The following SLC12A7 variants were observed in gnomAD, a reference collection of about 807,000 sequenced individuals.
SLC12A7 encodes K-Cl cotransporter 4.
Under a neutral mutation model 120.6 loss-of-function variants are expected in SLC12A7, and 100 were observed. The ratio of observed to expected loss-of-function variants is 0.83; its 90% CI spans 0.71 to 0.98. The LOEUF (loss-of-function observed/expected upper bound fraction) is 0.98. SLC12A7 is among the 50% of genes least tolerant of loss of function. SLC12A7 has a pLI of 0.00. For synonymous variants in SLC12A7, 760 were observed against 678.0 expected (o/e 1.12, Z -1.88); for missense variants, 1,373 against 1,548.1 (o/e 0.89, Z 1.90).
At chr5:1,120,620 CAA>C in the SLC12A7 span, among the ~76,000 whole-genome samples, 1 of 152,186 alleles carries the variant, frequency 6.6e-6, no homozygotes, top group African/African-American at 2.4e-5. Flanking sequence ...AGACACTAAG[CAA>C]AAGACACACA....
At chr5:1,108,777 G>A (rs1237624129) in intron 1 of SLC12A7, among the ~76,000 whole-genome samples, 5 of 152,170 alleles carry the variant, frequency 3.3e-5, no homozygotes, top group African/African-American at 4.8e-5. Context: ...AGGACAAAGC[G>A]GCAGCTCTAG....
chr5:1,087,922 T>C (rs906428555), intron 5 of SLC12A7, among the ~76,000 whole-genome samples: 1 of 152,236 alleles, frequency 6.6e-6, no homozygotes, highest in Non-Finnish European at 1.5e-5. Context: ...AACTTATTAC[T>C]AATTAACAAG....
Position 1,059,828 on chromosome 5 carries a change from C to G in SLC12A7, c.2847+516G>C, listed in dbSNP as rs570793717. 7.3e-5 allele frequency among the ~76,000 whole-genome samples: 8 copies of G among 109,978 alleles called. No individual in the cohort carries two copies. The East Asian group carries it at 2.4e-3, about 33-fold the overall frequency. 72.1% of individuals were successfully genotyped at this position (109,978 alleles called of 152,430 possible). The stretch of plus-strand genomic sequence containing the variant: ...TTCCCTCCCTCCCTGCACACTCACT[C>G]TCCCCTCCCACTTGGTCTTAGGACA... On this transcript the variant is annotated intron_variant, in intron 21 of 23. Coordinates refer to ENST00000264930, the MANE Select transcript of SLC12A7 (RefSeq NM_006598.3).
the SLC12A7 span, among the ~76,000 whole-genome samples, chr5:1,152,405 T>G: frequency 1.3e-5 from 2 of 152,184 alleles, no homozygotes; most frequent in Admixed American, 1.3e-4. Context: ...TGCAAAAACA[T>G]AGCCGGAAAG....
chr5:1,064,313 CG>C (rs1736683152), intron 18 of SLC12A7, 61 bp from the exon 19 acceptor site: 6 of 1,546,748 alleles, frequency 3.9e-6, no homozygotes, highest in Admixed American at 1.9e-5. Context: ...GGGGCCTCCC[CG>C]GGGACTCACA....
chr5:1,133,600 C>T, the SLC12A7 span, among the ~76,000 whole-genome samples: 1 of 152,212 alleles, frequency 6.6e-6, no homozygotes, highest in Admixed American at 6.5e-5. Context: ...GCCGCTGTGG[C>T]TGCTGCTGAC....
At chr5:1,094,965 T>G (rs1740945805) in intron 1 of SLC12A7, among the ~76,000 whole-genome samples, 1 of 136,262 alleles carries the variant, frequency 7.3e-6, no homozygotes, top group Non-Finnish European at 1.6e-5. Flanking sequence ...CCTGGCAGGT[T>G]GAGGCCCGAT....
rs76309564 is a variant in SLC12A7 at position 1,080,870 on chromosome 5, C to T, written c.1297+707G>A. Among the ~76,000 whole-genome samples, 157 of 152,356 alleles carry T rather than the reference C, an allele frequency of 1.0e-3. 1 individual carries two copies. The highest frequency in any genetic ancestry group is 3.6e-3 in the African/African-American group (150 of 41,588). The stretch of plus-strand genomic sequence containing the variant: ...ACAGCTTCTCCTGACACAGGGCTGC[C>T]TGGGAGAGCAGCAGACAGGCTTCTC... On this transcript the variant is annotated intron_variant, in intron 9 of 23. Transcript: ENST00000264930.
rs1159348073 is a variant in SLC12A7, at chr5:1,087,051, G to A, written c.545-18C>T. The A allele has an allele frequency of 1.2e-6, 2 of 1,605,912 alleles. No homozygotes were observed. The highest frequency in any genetic ancestry group is 1.7e-6 in the Non-Finnish European group (2 of 1,176,060). On this transcript the variant is annotated intron_variant, in intron 5 of 23. Coordinates refer to ENST00000264930, the MANE Select transcript of SLC12A7 (RefSeq NM_006598.3). ...CCCGCCAGCTGCGGAGACAAAGGCG[G>A]CAGCCGCGGGTCAGGGGCGCACTTG...
chr5:1,108,540 T>C (rs551738268), intron 1 of SLC12A7, among the ~76,000 whole-genome samples: 14 of 152,132 alleles, frequency 9.2e-5, no homozygotes, highest in Non-Finnish European at 1.3e-4. Context: ...CATGTCCGTG[T>C]CGGGAACGCC....
chr5:1,084,423 C>T (rs1348602942), intron 7 of SLC12A7, among the ~76,000 whole-genome samples: 1 of 152,242 alleles, frequency 6.6e-6, no homozygotes, highest in Non-Finnish European at 1.5e-5. Flanking sequence ...GCGTCCTGGC[C>T]GGGTCAGCTG....
At chr5:1,155,399 T>C in the SLC12A7 span, among the ~76,000 whole-genome samples, 1 of 150,634 alleles carries the variant, frequency 6.6e-6, no homozygotes, top group Non-Finnish European at 1.5e-5. Flanking sequence ...AACAGCGAGG[T>C]CAGAGGGCGC....
rs1579355567 is a variant in SLC12A7, at chr5:1,073,663, G to T, written c.2211C>A (p.Asp737Glu). The change falls in exon 17 of 24, where the codon GAC becomes GAA. Residue 737 changes from aspartate (D) to glutamate (E), a missense_variant. By Grantham distance (45) the Asp-to-Glu change is conservative (BLOSUM62 2). Transcript: ENST00000264930. ...CGGCCCGCTGAGCCTCCATGTGCTT[G>T]TCCAGGTACGTCCCCTCCAGCACCG... is the stretch of plus-strand genomic sequence containing the variant. ...VGSVLEGTYL[D>E]KHMEAQRAEE... 1 of 1,603,682 alleles carries T rather than the reference G, an allele frequency of 6.2e-7. No homozygotes were observed. The highest frequency in any genetic ancestry group is 8.5e-7 in the Non-Finnish European group (1 of 1,175,744).
chr5:1,065,868 C>T (rs897485905), intron 17 of SLC12A7, among the ~76,000 whole-genome samples: 1 of 151,856 alleles, frequency 6.6e-6, no homozygotes, highest in Non-Finnish European at 1.5e-5. Flanking sequence ...GCCAAATTAG[C>T]AGCTCTTCAA....
Position 1,083,922 on chromosome 5 carries a change from G to A in SLC12A7, c.952C>T (p.Arg318Cys), listed in dbSNP as rs373980691. ...CLLGNRTLSR[R>C]SFDACVKAYG... is the part of the protein sequence containing the mutation. ...GCCTTGACGCAGGCATCGAAGCTGCGCCGTGACAGCGTGCGGTTCCCCAGG... is the reference window on the plus strand; with the variant it reads ...GCCTTGACGCAGGCATCGAAGCTGCACCGTGACAGCGTGCGGTTCCCCAGG... The change falls in exon 8 of 24, where the codon CGC (arginine) becomes TGC (cysteine). Residue 318 changes from arginine (R) to cysteine (C), a missense_variant. Physicochemically the swap from Arg to Cys is radical, Grantham distance 180. Coordinates refer to ENST00000264930, the MANE Select transcript of SLC12A7 (RefSeq NM_006598.3). The A allele has an allele frequency of 2.7e-5, 44 of 1,605,746 alleles. No homozygotes were observed. Among genetic ancestry groups the A allele is most frequent in the African/African-American group, 5.3e-5 (4 of 74,908 alleles).
At chr5:1,124,958 G>C in the SLC12A7 span, among the ~76,000 whole-genome samples, 22,493 of 152,142 alleles carry the variant, frequency 0.15, 1,861 homozygotes, top group Non-Finnish European at 0.19. Flanking sequence ...CCAGGGAACA[G>C]CTAGAGATTT....
the SLC12A7 span, among the ~76,000 whole-genome samples, chr5:1,136,416 G>A: frequency 2.2e-5 from 3 of 134,786 alleles, no homozygotes; most frequent in African/African-American, 3.1e-5. Flanking sequence ...ACCAGGACAC[G>A]CAGGCACACG....
chr5:1,052,497 G>T, intron 23 of SLC12A7, 46 bp from the exon 24 acceptor site: 1 of 1,499,024 alleles, frequency 6.7e-7, no homozygotes, highest in Non-Finnish European at 9.3e-7. Flanking sequence ...ACCTGAGCGT[G>T]TGTAGCTGAA....
Position 1,111,995 on chromosome 5 carries a change from CG to C in SLC12A7, c.-5del. 1 of 1,270,812 alleles carries C rather than the reference CG, an allele frequency of 7.9e-7. No homozygotes were observed. Among genetic ancestry groups the C allele is most frequent in the South Asian group, 3.2e-5 (1 of 31,232 alleles). 78.7% of individuals were successfully genotyped at this position (1,270,812 alleles called of 1,614,324 possible). A position where few individuals can be genotyped will look rare whatever the true frequency, so the allele number is the denominator to read the frequency against. Reference sequence around the variant, plus strand: ...CCACGGTGAAGTTGGTGGGCATGGCCGCCTGCAGCCGACAGTCCCCGTCCCG... The same window carrying C: ...CCACGGTGAAGTTGGTGGGCATGGCCCCTGCAGCCGACAGTCCCCGTCCCG... On this transcript the variant is annotated 5_prime_UTR_variant, in exon 1 of 24. Coordinates refer to ENST00000264930, the MANE Select transcript of SLC12A7 (RefSeq NM_006598.3).
Sources: gnomAD v4.1 joint callset for allele counts (sites outside exome capture counted in the v4.1 genomes callset) on GRCh38, gnomAD v4.1.1 for gene constraint, MANE v1.5 for transcripts, NCBI Gene and HGNC (gene_info 2026-07-23, HGNC 2026-07-21) for gene names.